Variants in STAT5B observed in about 807,000 individuals in gnomAD.
STAT5B encodes signal transducer and activator of transcription 5B.
In STAT5B, 21 loss-of-function variants were observed where a neutral mutation model predicts 107.8. That is an observed-to-expected ratio of 0.19 (90% CI 0.14 to 0.28). The LOEUF (loss-of-function observed/expected upper bound fraction) is 0.28, where lower values mean the gene tolerates loss of function less well. Ranked by LOEUF, STAT5B falls within the 10% of genes least tolerant of loss-of-function variation. STAT5B has a pLI of 1.00. For missense variants in STAT5B, 565 were observed against 1,008.2 expected (o/e 0.56, Z 5.95); for synonymous variants, 325 against 401.7 (o/e 0.81, Z 2.28).
intron 5 of STAT5B, among the ~76,000 whole-genome samples, chr17:42,221,276 G>GCAGATCAATAGTC (rs1567660977): frequency 3.3e-5 from 5 of 152,256 alleles, no homozygotes; most frequent in African/African-American, 9.6e-5. Flanking sequence ...CACAGGGAGG[G>GCAGATCAATAGTC]TGGTGGTGAT....
upstream of STAT5B, chr17:42,276,627 C>G (rs995676133): frequency 6.6e-6 from 1 of 152,016 alleles, no homozygotes; most frequent in Non-Finnish European, 1.5e-5. The surrounding 1 kb of genome is among the most constrained non-coding windows in gnomAD (Gnocchi z 4.8). Context: ...GCCGCGCGCA[C>G]CCCCTTTCTG....
At chr17:42,222,871 A>G (rs2080242125) in intron 5 of STAT5B, among the ~76,000 whole-genome samples, 1 of 151,634 alleles carries the variant, frequency 6.6e-6, no homozygotes, top group African/African-American at 2.4e-5. Flanking sequence ...TTTAGTAGAG[A>G]CGGGGTTTCA....
At chr17:42,221,276 G>A (rs1317647667) in intron 5 of STAT5B, among the ~76,000 whole-genome samples, 2 of 152,142 alleles carry the variant, frequency 1.3e-5, no homozygotes, top group South Asian at 2.1e-4. Flanking sequence ...CACAGGGAGG[G>A]TGGTGGTGAT....
chr17:42,237,376 A>G (rs925688132), intron 1 of STAT5B, among the ~76,000 whole-genome samples: 3 of 152,244 alleles, frequency 2.0e-5, no homozygotes, highest in African/African-American at 7.2e-5. Context: ...TCAGTCATAA[A>G]TATCTTTTCT....
intron 4 of STAT5B, among the ~76,000 whole-genome samples, chr17:42,224,319 T>C (rs979009337): frequency 1.3e-5 from 2 of 152,112 alleles, no homozygotes; most frequent in South Asian, 2.1e-4. Context: ...TATAAATCAG[T>C]TAAGATCAGA....
At chr17:42,268,269 G>A (rs1290015266) in intron 1 of STAT5B, among the ~76,000 whole-genome samples, 2 of 152,046 alleles carry the variant, frequency 1.3e-5, no homozygotes, top group Non-Finnish European at 2.9e-5. Context: ...GATATGTTTA[G>A]ATACACAAAT....
chr17:42,236,544 C>T (rs997459949), intron 1 of STAT5B, among the ~76,000 whole-genome samples: 6 of 152,138 alleles, frequency 3.9e-5, no homozygotes, highest in South Asian at 2.1e-4. Flanking sequence ...CGAGTTCAAG[C>T]GATTCTCCTG....
chr17:42,272,603 C>T (rs930386408), intron 1 of STAT5B: 1 of 152,100 alleles, frequency 6.6e-6, no homozygotes, highest in Non-Finnish European at 1.5e-5. Flanking sequence ...CTCAGTAAAG[C>T]TGTCATGAAG....
chr17:42,248,197 C>A lies in STAT5B; in HGVS notation c.-10-16060G>T, dbSNP rs547571805. On this transcript the variant is annotated intron_variant, in intron 1 of 18. Coordinates refer to ENST00000293328, the MANE Select transcript of STAT5B (RefSeq NM_012448.4). ...GAGACAGGCAGAAGAACTGCTTAAG[C>A]CCAGGAGTTTGAGGCTGCTGTGAGC... is the stretch of plus-strand genomic sequence containing the variant. Among the ~76,000 whole-genome samples the A allele has an allele frequency of 1.7e-3, 264 of 151,024 alleles. 3 individuals are homozygous for A. Among genetic ancestry groups the A allele is most frequent in the South Asian group, 0.016 (77 of 4,752 alleles).
At chr17:42,251,168 G>A (rs950809020) in intron 1 of STAT5B, among the ~76,000 whole-genome samples, 3 of 152,110 alleles carry the variant, frequency 2.0e-5, no homozygotes, top group Admixed American at 6.6e-5. Flanking sequence ...TATTTGGGGG[G>A]TGGGGGTTCA....
At chr17:42,249,130 G>A (rs2080476750) in intron 1 of STAT5B, among the ~76,000 whole-genome samples, 1 of 152,224 alleles carries the variant, frequency 6.6e-6, no homozygotes. Context: ...GGTGGCTCAG[G>A]CCTGTAATCC....
Position 42,223,291 on chromosome 17 carries a change from A to G in STAT5B, c.550+91T>C, listed in dbSNP as rs184920836. On this transcript the variant is annotated intron_variant, in intron 5 of 18. Coordinates refer to ENST00000293328, the MANE Select transcript of STAT5B (RefSeq NM_012448.4). Reference sequence around the variant, plus strand: ...GAGAAAGGTCGCTGCCTCCGAATGGAAAGTGTGCTTTCTCCCAACCCCACC... The same window carrying G: ...GAGAAAGGTCGCTGCCTCCGAATGGGAAGTGTGCTTTCTCCCAACCCCACC... 10,970 of 1,593,204 alleles carry G rather than the reference A, an allele frequency of 6.9e-3. 53 individuals carry two copies. Among genetic ancestry groups the G allele is most frequent in the Non-Finnish European group, 8.5e-3 (9,883 of 1,165,552 alleles).
chr17:42,230,667 G>GT (rs922320856), intron 2 of STAT5B, among the ~76,000 whole-genome samples: 244 of 143,706 alleles, frequency 1.7e-3, no homozygotes, highest in African/African-American at 1.8e-3. Context: ...GTTTAGTTTT[G>GT]TTTTTTTTTT....
chr17:42,232,006 T>C lies in STAT5B; in HGVS notation c.122A>G (p.Gln41Arg). ...RHYLSQWIESQAWDSVDLDNP... is the reference protein window; with the variant it reads ...RHYLSQWIESRAWDSVDLDNP... ...AACATCCTTGTTCACCTACCATGCT[T>C]GGCTTTCAATCCACTGGGATAAATA... is the stretch of plus-strand genomic sequence containing the variant. Residue 41 changes from glutamine (Q) to arginine (R), a missense_variant, in exon 2 of 19, where the codon CAA (glutamine) becomes CGA (arginine). Physicochemically the swap from Gln to Arg is conservative, Grantham distance 43. Around this residue, in one of 11 missense-constraint regions of STAT5B, gnomAD observed 83 missense variants for 145.1 expected, o/e 0.57. Transcript: ENST00000293328. The C allele has an allele frequency of 6.2e-7, 1 of 1,613,970 alleles. No individual in the cohort carries two copies. The highest frequency in any genetic ancestry group is 8.5e-7 in the Non-Finnish European group (1 of 1,179,882).
intron 1 of STAT5B, among the ~76,000 whole-genome samples, chr17:42,267,521 A>G (rs1242588197): frequency 6.6e-6 from 1 of 152,268 alleles, no homozygotes; most frequent in East Asian, 1.9e-4. Flanking sequence ...AAAATTAAAA[A>G]GTTTTTAAAG....
intron 1 of STAT5B, among the ~76,000 whole-genome samples, chr17:42,249,212 T>C (rs2080477318): frequency 6.6e-6 from 1 of 152,084 alleles, no homozygotes; most frequent in African/African-American, 2.4e-5. Flanking sequence ...GCTAGCATGG[T>C]GAAACCCCGT....
upstream of STAT5B, among the ~76,000 whole-genome samples, chr17:42,277,758 C>CTTT (rs796461733): frequency 7.2e-6 from 1 of 139,852 alleles, no homozygotes; most frequent in African/African-American, 2.7e-5. Flanking sequence ...TTTTTCTTTT[C>CTTT]TTTTTTTTTT....
chr17:42,249,592 A>C (rs145419889), intron 1 of STAT5B, among the ~76,000 whole-genome samples: 3 of 152,206 alleles, frequency 2.0e-5, no homozygotes, highest in Non-Finnish European at 4.4e-5. Flanking sequence ...CAATGAATAT[A>C]TAAGTTTCTT....
At chr17:42,260,305 G>A (rs1251276900) in intron 1 of STAT5B, among the ~76,000 whole-genome samples, 1 of 152,142 alleles carries the variant, frequency 6.6e-6, no homozygotes, top group Non-Finnish European at 1.5e-5. Flanking sequence ...AAAATTTGGT[G>A]GCTAAATTGA....
Sources: allele counts gnomAD v4.1 joint callset (sites outside exome capture counted in the v4.1 genomes callset), GRCh38; gene constraint gnomAD v4.1.1; regional missense constraint gnomAD v4.1.1; non-coding constraint Gnocchi (gnomAD v3.1); transcripts MANE v1.5; gene names NCBI Gene and HGNC (gene_info 2026-07-23, HGNC 2026-07-21).